SLC49A4: variants seen among roughly 807,000 people sequenced by gnomAD.
The protein encoded by SLC49A4 is solute carrier family 49 member 4.
In SLC49A4, 36 loss-of-function variants were observed where a neutral mutation model predicts 50.6. The ratio of observed to expected loss-of-function variants is 0.71; its 90% CI spans 0.55 to 0.94. The LOEUF (loss-of-function observed/expected upper bound fraction) is 0.94, where lower values mean the gene tolerates loss of function less well. Among genes scored for constraint, SLC49A4 ranks in the 40% least tolerant of loss-of-function variants. The pLI, the probability that SLC49A4 is intolerant of heterozygous loss-of-function variation, is 0.00. For missense variants in SLC49A4, 503 were observed against 605.7 expected (o/e 0.83, Z 1.78); for synonymous variants, 248 against 241.2 (o/e 1.03, Z -0.26).
rs915092796 is a variant in SLC49A4, at chr3:122,852,736, C to G, written c.943-3571C>G. Among the ~76,000 whole-genome samples the G allele has an allele frequency of 5.9e-5, 9 of 152,150 alleles. 3 individuals carry two copies. Among genetic ancestry groups the G allele is most frequent in the Admixed American group, 5.9e-4 (9 of 15,278 alleles). ...AAACCCGGGGTTTTTACAAAGGCAC[C>G]CCACAGCAGGCCCTAAACTCATATT... On this transcript the variant is annotated intron_variant, in intron 5 of 8. Transcript: ENST00000261038.
intron 5 of SLC49A4, among the ~76,000 whole-genome samples, chr3:122,855,593 T>A (rs1241758718): frequency 6.6e-6 from 1 of 152,094 alleles, no homozygotes; most frequent in Non-Finnish European, 1.5e-5. Flanking sequence ...GCAGCATTCG[T>A]AGATTGCTGT....
intron 5 of SLC49A4, among the ~76,000 whole-genome samples, chr3:122,851,271 T>G (rs1936921771): frequency 1.3e-5 from 2 of 152,234 alleles, no homozygotes. Context: ...ATTTTTCTTC[T>G]ATCTAAAGAG....
rs1464775595 is a variant in SLC49A4, at chr3:122,799,774, C to G, written c.343+4239C>G. Reference sequence around the variant, plus strand: ...GAGGATTTGAGAAGTGGTTAGATTGCAGATATGTGTCGAAAGTAGATTCAC... The same window carrying G: ...GAGGATTTGAGAAGTGGTTAGATTGGAGATATGTGTCGAAAGTAGATTCAC... On this transcript the variant is annotated intron_variant, in intron 1 of 8. Transcript: ENST00000261038. Among the ~76,000 whole-genome samples, 4 of 152,292 alleles carry G rather than the reference C, an allele frequency of 2.6e-5. No homozygotes were observed. The East Asian group carries it at 7.7e-4, about 29-fold the overall frequency.
chr3:122,867,538 G>A (rs954135513), intron 7 of SLC49A4, among the ~76,000 whole-genome samples: 21 of 152,178 alleles, frequency 1.4e-4, no homozygotes, highest in Non-Finnish European at 2.6e-4. Context: ...AATATTTTTA[G>A]AAATTATATA....
Position 122,826,890 on chromosome 3 carries a change from A to G in SLC49A4, c.528A>G (p.Ala176=). Residue 176 remains alanine, a synonymous_variant, in exon 3 of 9, where the codon GCA becomes GCG. Coordinates refer to ENST00000261038, the MANE Select transcript of SLC49A4 (RefSeq NM_032839.3). Reference sequence around the variant, plus strand: ...TTCTCTCTACGACGTGGTTTTCTGCAGATGAAAGGGCCACAGCCACAGCTA... The same window carrying G: ...TTCTCTCTACGACGTGGTTTTCTGCGGATGAAAGGGCCACAGCCACAGCTA... The part of the protein sequence containing the change: ...APFLSTTWFS[A]DERATATAIA... 6.2e-7 allele frequency: 1 copy of G among 1,614,244 alleles called. No homozygotes were observed.
intron 2 of SLC49A4, among the ~76,000 whole-genome samples, chr3:122,824,567 TTCTTTCTTTC>T (rs1936496974): frequency 6.6e-6 from 1 of 151,960 alleles, no homozygotes; most frequent in Non-Finnish European, 1.5e-5. Flanking sequence ...TTCTCTTCTC[TTCTTTCTTTC>T]TCTTTCTTTC....
intron 8 of SLC49A4, among the ~76,000 whole-genome samples, chr3:122,875,608 T>TC (rs1197223371): frequency 6.6e-6 from 1 of 152,110 alleles, no homozygotes; most frequent in Non-Finnish European, 1.5e-5. Context: ...TGCCTTGGCC[T>TC]CCCAAAGTGC....
At chr3:122,830,975 C>T (rs761808286) in intron 3 of SLC49A4, among the ~76,000 whole-genome samples, 29 of 152,184 alleles carry the variant, frequency 1.9e-4, no homozygotes, top group Admixed American at 1.4e-3. Context: ...AGGACTCAAA[C>T]ACATTTCTCC....
intron 6 of SLC49A4, among the ~76,000 whole-genome samples, chr3:122,857,210 C>G (rs1422858621): frequency 6.8e-6 from 1 of 147,868 alleles, no homozygotes; most frequent in Non-Finnish European, 1.5e-5. Flanking sequence ...TCATCACACT[C>G]TCTTTGATCA....
intron 1 of SLC49A4, among the ~76,000 whole-genome samples, chr3:122,797,415 A>C (rs183106890): frequency 6.6e-6 from 1 of 152,254 alleles, no homozygotes; most frequent in Non-Finnish European, 1.5e-5. Flanking sequence ...GTGAAGATCA[A>C]GTCAAAGAGG....
chr3:122,806,895 G>A lies in SLC49A4; in HGVS notation c.382G>A (p.Val128Ile). 2 of 1,610,874 alleles carry A rather than the reference G, an allele frequency of 1.2e-6. No homozygotes were observed. Among genetic ancestry groups the A allele is most frequent in the Non-Finnish European group, 1.7e-6 (2 of 1,177,586 alleles). ...ITVLLTSFLM[V>I]LGTGLRCIPI... Reference sequence around the variant, plus strand: ...TGTGCTCCTGACATCCTTCCTTATGGTTTTGGGAACTGGTCTAAGATGCAT... The same window carrying A: ...TGTGCTCCTGACATCCTTCCTTATGATTTTGGGAACTGGTCTAAGATGCAT... Residue 128 changes from valine (V) to isoleucine (I), a missense_variant, in exon 2 of 9, where the codon GTT (valine) becomes ATT (isoleucine). Coordinates refer to ENST00000261038, the MANE Select transcript of SLC49A4 (RefSeq NM_032839.3).
chr3:122,840,166 T>G (rs1936751488), intron 4 of SLC49A4, among the ~76,000 whole-genome samples: 1 of 152,158 alleles, frequency 6.6e-6, no homozygotes, highest in Non-Finnish European at 1.5e-5. Flanking sequence ...TGTTCTGACT[T>G]ATAAGTGGGA....
intron 4 of SLC49A4, among the ~76,000 whole-genome samples, chr3:122,836,423 C>T (rs1299300376): frequency 1.3e-5 from 2 of 152,040 alleles, no homozygotes; most frequent in Non-Finnish European, 2.9e-5. Flanking sequence ...ATTTTTGCAT[C>T]GATGTTCATC....
At chr3:122,824,076 A>ACT (rs1408056742) in intron 2 of SLC49A4, among the ~76,000 whole-genome samples, 1 of 152,250 alleles carries the variant, frequency 6.6e-6, no homozygotes, top group African/African-American at 2.4e-5. Context: ...GTTTCTCATG[A>ACT]ATTCAGAGGA....
At chr3:122,839,954 C>T (rs74648847) in intron 4 of SLC49A4, among the ~76,000 whole-genome samples, 4,983 of 152,172 alleles carry the variant, frequency 0.033, 120 homozygotes, top group Middle Eastern at 0.071. Flanking sequence ...CATGTTTATA[C>T]CAACACAATT....
intron 7 of SLC49A4, among the ~76,000 whole-genome samples, chr3:122,865,291 G>A (rs1359150196): frequency 6.6e-6 from 1 of 152,202 alleles, no homozygotes. Flanking sequence ...AGAGAAATAA[G>A]TCTTGCAGCA....
At chr3:122,826,313 G>C (rs150223971) in intron 2 of SLC49A4, among the ~76,000 whole-genome samples, 99 of 152,330 alleles carry the variant, frequency 6.5e-4, no homozygotes, top group African/African-American at 2.4e-3. Flanking sequence ...GTGGCACTTA[G>C]TAGGTCTGTT....
intron 2 of SLC49A4, among the ~76,000 whole-genome samples, chr3:122,825,098 C>T (rs907649407): frequency 4.6e-5 from 7 of 152,088 alleles, no homozygotes; most frequent in African/African-American, 1.7e-4. Flanking sequence ...CCATGTTCTC[C>T]TTCTACCCTT....
At chr3:122,871,257 G>A (rs1327105386) in intron 7 of SLC49A4, among the ~76,000 whole-genome samples, 1 of 151,972 alleles carries the variant, frequency 6.6e-6, no homozygotes, top group Non-Finnish European at 1.5e-5. Flanking sequence ...AATCCCCGAA[G>A]ACTAATGTAA....
Sources: allele counts gnomAD v4.1 joint callset (sites outside exome capture counted in the v4.1 genomes callset), GRCh38; gene constraint gnomAD v4.1.1; transcripts MANE v1.5; gene names NCBI Gene and HGNC (gene_info 2026-07-23, HGNC 2026-07-21).